DRC3: variants seen among roughly 807,000 people sequenced by gnomAD.
DRC3 encodes the protein leucine rich repeat containing 48.
In DRC3, 45 loss-of-function variants were observed where a neutral mutation model predicts 57.6. The observed-to-expected ratio is 0.78, with a 90% CI of 0.62 to 1.00. The LOEUF is 1.00. Ranked by LOEUF, DRC3 falls within the 50% of genes least tolerant of loss-of-function variation. DRC3 has a pLI of 0.00. For synonymous variants in DRC3, 257 were observed against 272.3 expected (o/e 0.94, Z 0.55); for missense variants, 655 against 675.2 (o/e 0.97, Z 0.33).
intron 3 of DRC3, chr17:17,978,067 A>C: frequency 3.8e-5 from 8 of 213,206 alleles, no homozygotes; most frequent in East Asian, 1.2e-4. Flanking sequence ...ACAACTCCAC[A>C]TGGGTGTCCT....
rs769876919 is a variant in DRC3 at position 18,008,630 on chromosome 17, G to A, written c.1326+1483G>A. ...TCCACAGCCTCTGTCCTGGGGCCCA[G>A]ACAGACACCCAACATAGCAGTGTGG... On this transcript the variant is annotated intron_variant, in intron 12 of 13. Coordinates refer to ENST00000399187, the MANE Select transcript of DRC3 (RefSeq NM_031294.4). The surrounding 1 kb of genome is among the most constrained non-coding windows in gnomAD (Gnocchi z 4.3). Among the ~76,000 whole-genome samples the A allele has an allele frequency of 1.3e-5, 2 of 152,248 alleles. No individual in the cohort carries two copies. Among genetic ancestry groups the A allele is most frequent in the Non-Finnish European group, 2.9e-5 (2 of 68,046 alleles).
chr17:18,002,073 C>T (rs1442741626), intron 9 of DRC3, among the ~76,000 whole-genome samples: 7 of 152,022 alleles, frequency 4.6e-5, no homozygotes, highest in South Asian at 2.1e-4. Flanking sequence ...GAAGCTGAGG[C>T]GAGAGAATCG....
chr17:18,005,875 T>G, intron 10 of DRC3: 3 of 348,032 alleles, frequency 8.6e-6, no homozygotes, highest in South Asian at 7.3e-5. Context: ...GGAGAGGGGG[T>G]TGGCTGTGTG....
Position 18,004,347 on chromosome 17 carries a change from A to C in DRC3, c.1000-16A>C. 6.3e-7 allele frequency: 1 copy of C among 1,592,818 alleles called. No homozygotes were observed. The highest frequency in any genetic ancestry group is 1.1e-5 in the South Asian group (1 of 87,884). On this transcript the variant is annotated splice_polypyrimidine_tract_variant and intron_variant, in intron 9 of 13. Transcript: ENST00000399187. The stretch of plus-strand genomic sequence containing the variant: ...ACTTAGTTGTTGATTCCTAAAGTGC[A>C]GTCTATTGTTTCTAGAGTTTAAGTG...
chr17:17,980,853 A>G (rs2042643993), intron 3 of DRC3, among the ~76,000 whole-genome samples: 1 of 152,164 alleles, frequency 6.6e-6, no homozygotes, highest in Non-Finnish European at 1.5e-5. Flanking sequence ...TCGGCCTCCC[A>G]AAGTGCTGGG....
At chr17:17,996,770 C>T (rs538929614) in intron 8 of DRC3, among the ~76,000 whole-genome samples, 6 of 152,296 alleles carry the variant, frequency 3.9e-5, no homozygotes, top group South Asian at 2.1e-4. Flanking sequence ...CCTGTGTAGC[C>T]GTGTGACTTT....
At chr17:17,985,253 C>G (rs1009969519) in intron 4 of DRC3, among the ~76,000 whole-genome samples, 5 of 152,228 alleles carry the variant, frequency 3.3e-5, no homozygotes, top group African/African-American at 1.2e-4. Context: ...TACTTGGAGC[C>G]CCTGCACACA....
chr17:17,988,148 C>T (rs752962113), intron 5 of DRC3, 50 bp downstream of exon 5: 8 of 1,570,442 alleles, frequency 5.1e-6, no homozygotes, highest in Admixed American at 3.6e-5. Context: ...AGCCTTGGAG[C>T]GCCGTGGGTT....
At chr17:17,980,796 T>C (rs2042640610) in intron 3 of DRC3, among the ~76,000 whole-genome samples, 1 of 152,140 alleles carries the variant, frequency 6.6e-6, no homozygotes, top group Non-Finnish European at 1.5e-5. Context: ...GGTTTCACCA[T>C]GTTGGCCAAG....
chr17:17,975,902 A>C (rs536807843), intron 2 of DRC3, among the ~76,000 whole-genome samples: 1 of 152,212 alleles, frequency 6.6e-6, no homozygotes, highest in Non-Finnish European at 1.5e-5. Flanking sequence ...CAGAGGATGC[A>C]TATTTGCAGA....
At chr17:17,975,190 C>T (rs970452655) in intron 2 of DRC3, among the ~76,000 whole-genome samples, 2 of 150,120 alleles carry the variant, frequency 1.3e-5, no homozygotes, top group Non-Finnish European at 1.5e-5. Flanking sequence ...AATTAAGAGT[C>T]ATTTCCCAAA....
At chr17:17,997,428 A>G in intron 8 of DRC3, 32 bp from the exon 9 acceptor site, 3 of 1,609,136 alleles carry the variant, frequency 1.9e-6, no homozygotes, top group Non-Finnish European at 1.7e-6. Context: ...CTGCTCCTGA[A>G]ACAGCTGTGG....
chr17:17,980,600 T>G (rs1482370621), intron 3 of DRC3, among the ~76,000 whole-genome samples: 1 of 149,160 alleles, frequency 6.7e-6, no homozygotes, highest in Admixed American at 6.7e-5. Flanking sequence ...CAGCATTTTT[T>G]TTTTTTTTTT....
chr17:18,006,603 G>A (rs1315006745), intron 11 of DRC3: 1 of 380,020 alleles, frequency 2.6e-6, no homozygotes, highest in South Asian at 3.1e-5. Context: ...TCGGAGCATG[G>A]CCAACCCTTC....
At position 18,016,784 on chromosome 17, in the gene DRC3, G is replaced by C; in HGVS notation, c.*113G>C. 8.5e-6 allele frequency: 5 copies of C among 589,104 alleles called. 1 individual carries two copies. In the South Asian group the frequency reaches 1.1e-4, roughly 13 times the overall value. The allele number at this position is 589,104 out of a possible 1,614,324, so 36.5% of individuals were successfully genotyped here. A position where few individuals can be genotyped will look rare whatever the true frequency, so the allele number is the denominator to read the frequency against. On this transcript the variant is annotated 3_prime_UTR_variant, in exon 14 of 14. Coordinates refer to ENST00000399187, the MANE Select transcript of DRC3 (RefSeq NM_031294.4). Reference sequence around the variant, plus strand: ...GAGAGTTGCTGGGCATCTCTCAACCGCGATCCCCAACACCATTCTTCCCCC... The same window carrying C: ...GAGAGTTGCTGGGCATCTCTCAACCCCGATCCCCAACACCATTCTTCCCCC...
chr17:18,006,756 G>T, intron 11 of DRC3: 4 of 451,844 alleles, frequency 8.9e-6, no homozygotes, highest in South Asian at 6.6e-5. Flanking sequence ...AATGCACAGG[G>T]TGAGAAGCAG....
Position 18,016,850 on chromosome 17 carries a change from T to C in DRC3, c.*179T>C. On this transcript the variant is annotated 3_prime_UTR_variant, in exon 14 of 14. Coordinates refer to ENST00000399187, the MANE Select transcript of DRC3 (RefSeq NM_031294.4). ...TCCAAAAGTAGAGAAAATAAAGGAC[T>C]CATTTCACATTTCCCCTACTCATAA... 1 of 453,408 alleles carries C rather than the reference T, an allele frequency of 2.2e-6. No individual in the cohort carries two copies. The highest frequency in any genetic ancestry group is 3.2e-5 in the South Asian group (1 of 31,488). 28.1% of individuals were successfully genotyped at this position (453,408 alleles called of 1,614,324 possible).
chr17:17,974,402 G>A (rs1321797800), intron 2 of DRC3, among the ~76,000 whole-genome samples: 4 of 151,942 alleles, frequency 2.6e-5, no homozygotes, highest in East Asian at 1.9e-4. Context: ...ATGGAGTTTC[G>A]CTCTTGTTGC....
chr17:17,977,619 G>T lies in DRC3; in HGVS notation c.21G>T (p.Ser7=), dbSNP rs367593570. ...GGAAGATGAACCAGCCGTGCAACTC[G>T]ATGGAGCCGAGGGTGATGGACGATG... is the stretch of plus-strand genomic sequence containing the variant. MNQPCN[S]MEPRVMDDDM... The change falls in exon 3 of 14, where the codon TCG becomes TCT. Residue 7 remains serine (S), a synonymous_variant. Coordinates refer to ENST00000399187, the MANE Select transcript of DRC3 (RefSeq NM_031294.4). 112 of 1,613,868 alleles carry T rather than the reference G, an allele frequency of 6.9e-5. 1 individual carries two copies. In the Middle Eastern group the frequency reaches 1.8e-3, roughly 26 times the overall value.
Sources: allele counts gnomAD v4.1 joint callset (sites outside exome capture counted in the v4.1 genomes callset), GRCh38; gene constraint gnomAD v4.1.1; non-coding constraint Gnocchi (gnomAD v3.1); transcripts MANE v1.5; gene names NCBI Gene and HGNC (gene_info 2026-07-23, HGNC 2026-07-21).